Variants in CTBP2 observed in about 807,000 individuals in gnomAD.
CTBP2 encodes the protein C-terminal binding protein 2, also known as C-terminal-binding protein 2.
CTBP2 carries 30 observed loss-of-function variants against 80.3 expected under a neutral mutation model. That is an observed-to-expected ratio of 0.37 (90% confidence interval 0.28 to 0.51). The LOEUF (loss-of-function observed/expected upper bound fraction) is 0.51. CTBP2 is among the 20% of genes least tolerant of loss of function. The probability of loss-of-function intolerance (pLI) is 0.93; values close to 1 mark genes in which losing one functional copy is unlikely to be tolerated. For synonymous variants in CTBP2, 594 were observed against 587.4 expected, an observed-to-expected ratio of 1.01 and a Z score of -0.16; for missense variants, 1,212 against 1,375.3, an observed-to-expected ratio of 0.88 and a Z score of 1.88.
At chr10:125,157,082 T>C (rs1485668116) in intron 1 of CTBP2, among the ~76,000 whole-genome samples, 1 of 152,252 alleles carries the variant, frequency 6.6e-6, no homozygotes, top group Non-Finnish European at 1.5e-5. Context: ...TGTTTTTAAC[T>C]AGCCAAACGT....
chr10:125,044,391 G>T (rs1960706777), intron 2 of CTBP2, among the ~76,000 whole-genome samples: 1 of 152,180 alleles, frequency 6.6e-6, no homozygotes, highest in Non-Finnish European at 1.5e-5. Context: ...CCTTGAGAAC[G>T]CCAGCCCACC....
chr10:125,120,329 A>C (rs531579575), intron 1 of CTBP2, among the ~76,000 whole-genome samples: 1 of 152,364 alleles, frequency 6.6e-6, no homozygotes, highest in South Asian at 2.1e-4. Flanking sequence ...AATGGCTCAA[A>C]GTCCACAGTC....
intron 2 of CTBP2, among the ~76,000 whole-genome samples, chr10:125,042,668 G>A (rs1960180428): frequency 6.6e-6 from 1 of 152,094 alleles, no homozygotes; most frequent in Non-Finnish European, 1.5e-5. Flanking sequence ...TGGCAGTGAG[G>A]ACCAGCCAGT....
chr10:125,087,073 TTC>T (rs1026224776), intron 2 of CTBP2, among the ~76,000 whole-genome samples: 22 of 138,612 alleles, frequency 1.6e-4, no homozygotes, highest in African/African-American at 6.2e-4. Flanking sequence ...GGCAATTTCT[TTC>T]TTTTTTTTTT....
intron 1 of CTBP2, among the ~76,000 whole-genome samples, chr10:125,132,035 T>A (rs1240718481): frequency 6.6e-6 from 1 of 152,202 alleles, no homozygotes; most frequent in East Asian, 1.9e-4. Flanking sequence ...ATTATAGCAC[T>A]CTGGGTCTCT....
At chr10:125,034,229 G>A (rs1298354593) in intron 3 of CTBP2, among the ~76,000 whole-genome samples, 2 of 152,240 alleles carry the variant, frequency 1.3e-5, no homozygotes, top group Non-Finnish European at 2.9e-5. Context: ...CATCCCCAGA[G>A]TCGGTGGAGG....
chr10:125,054,979 C>G (rs190877419), intron 2 of CTBP2, among the ~76,000 whole-genome samples: 1 of 152,158 alleles, frequency 6.6e-6, no homozygotes, highest in Non-Finnish European at 1.5e-5. Context: ...TCCAGGGCTA[C>G]GCTCAACATG....
At position 124,993,194 on chromosome 10, in the gene CTBP2, G is replaced by A. The variant is rs774840705; in HGVS notation, c.2659+8C>T. ...CCCTTGGCAGGCCAGAGGCACGGAG[G>A]GGCTCACCTGTGATGGCTCGGCGGA... On this transcript the variant is annotated splice_region_variant and intron_variant, in intron 7 of 8. Transcript: ENST00000309035. 4 of 1,591,528 alleles carry A rather than the reference G, an allele frequency of 2.5e-6. No homozygotes were observed. The highest frequency in any genetic ancestry group is 2.3e-5 in the East Asian group (1 of 44,240).
rs1233268022 is a variant in CTBP2 at position 125,066,697 on chromosome 10, T to A, written c.-101-27542A>T. On this transcript the variant is annotated intron_variant, in intron 2 of 10. Transcript: ENST00000337195. This position sits in a 1 kb window ranked among gnomAD's most constrained non-coding sequence, Gnocchi z 4.1. ...AGTCCTGCCACTGACTCGTGAGCTGTGTGACTCTGGGTACATCACCTGAGC... is the reference window on the plus strand; with the variant it reads ...AGTCCTGCCACTGACTCGTGAGCTGAGTGACTCTGGGTACATCACCTGAGC... Among the ~76,000 whole-genome samples the A allele has an allele frequency of 1.3e-5, 2 of 152,170 alleles. No individual in the cohort carries two copies. The highest frequency in any genetic ancestry group is 4.8e-5 in the African/African-American group (2 of 41,436).
chr10:125,021,764 G>A (rs1957060530), intron 1 of CTBP2, among the ~76,000 whole-genome samples: 1 of 152,168 alleles, frequency 6.6e-6, no homozygotes, highest in Non-Finnish European at 1.5e-5. Context: ...AGGGAACACC[G>A]GGCCATGAAA....
intron 2 of CTBP2, among the ~76,000 whole-genome samples, chr10:125,054,586 CA>C: frequency 6.6e-6 from 1 of 152,324 alleles, no homozygotes; most frequent in African/African-American, 2.4e-5. Flanking sequence ...CAGTGCAAGA[CA>C]ATAAAGTTTT....
chr10:125,104,608 T>C (rs1851178143), intron 2 of CTBP2, among the ~76,000 whole-genome samples: 1 of 152,234 alleles, frequency 6.6e-6, no homozygotes, highest in Non-Finnish European at 1.5e-5. Context: ...TCGCATGTAT[T>C]ACCCGTGTGC....
At chr10:125,009,485 A>G (rs915929445) in intron 1 of CTBP2, among the ~76,000 whole-genome samples, 2 of 151,986 alleles carry the variant, frequency 1.3e-5, no homozygotes, top group Non-Finnish European at 2.9e-5. Context: ...TTAATATCCC[A>G]CCGATCCCAC....
At chr10:125,160,633 A>G (rs1049284141), upstream of CTBP2, 1 of 18,472 alleles carries the variant, frequency 5.4e-5, no homozygotes, top group Non-Finnish European at 1.1e-4. Context: ...TCCCCTCCCC[A>G]CCCTACCCCT....
At chr10:125,106,953 G>A (rs189848574) in intron 2 of CTBP2, among the ~76,000 whole-genome samples, 3 of 152,338 alleles carry the variant, frequency 2.0e-5, no homozygotes, top group East Asian at 1.9e-4. Flanking sequence ...GGGAATGGAC[G>A]GGGTGATCTC....
rs945553371 is a variant in CTBP2 at position 124,987,403 on chromosome 10, C to G, written c.*2115G>C. 4 of 151,994 alleles carry G rather than the reference C, an allele frequency of 2.6e-5. 1 individual carries two copies. The South Asian group carries it at 8.3e-4, about 32-fold the overall frequency. 9.4% of individuals were successfully genotyped at this position (151,994 alleles called of 1,614,324 possible). On this transcript the variant is annotated 3_prime_UTR_variant, in exon 9 of 9. Transcript: ENST00000309035. ...AAATTTTTGTTTGGGCGACCAAGAT[C>G]TAATAATTAAAACCCAGGTGGACCA...
chr10:125,151,647 G>A (rs984537810), intron 1 of CTBP2, among the ~76,000 whole-genome samples: 1 of 152,206 alleles, frequency 6.6e-6, no homozygotes, highest in Non-Finnish European at 1.5e-5. Flanking sequence ...ATGAGTGCCC[G>A]GAGTCCGCGA....
intron 2 of CTBP2, among the ~76,000 whole-genome samples, chr10:125,077,024 G>C (rs963567916): frequency 6.6e-6 from 1 of 152,136 alleles, no homozygotes; most frequent in African/African-American, 2.4e-5. Flanking sequence ...CACAGGTCAG[G>C]CCAACTGATG....
chr10:125,014,581 G>A (rs937002741), intron 1 of CTBP2, among the ~76,000 whole-genome samples: 1 of 152,266 alleles, frequency 6.6e-6, no homozygotes, highest in Non-Finnish European at 1.5e-5. Flanking sequence ...CTTACGGGGA[G>A]CAACCTCTTG....
Sources: gnomAD v4.1 joint callset for allele counts (sites outside exome capture counted in the v4.1 genomes callset) on GRCh38, gnomAD v4.1.1 for gene constraint, Gnocchi (gnomAD v3.1) non-coding constraint, MANE v1.5 for transcripts, NCBI Gene and HGNC (gene_info 2026-07-23, HGNC 2026-07-21) for gene names.